Variants in OLA1 observed in about 807,000 individuals in gnomAD.
OLA1 encodes the protein obg-like ATPase 1.
A neutral mutation model predicts 48.4 loss-of-function variants in OLA1; 14 were observed. That is an observed-to-expected ratio of 0.29 (90% confidence interval 0.19 to 0.45). OLA1 has a LOEUF of 0.45. OLA1 is among the 20% of genes least tolerant of loss of function. OLA1 has a pLI of 1.00. For synonymous variants in OLA1, 127 were observed against 150.4 expected (o/e 0.84, Z 1.14); for missense variants, 325 against 467.1 (o/e 0.70, Z 2.80).
chr2:174,239,474 A>G (rs1688943615), intron 2 of OLA1, among the ~76,000 whole-genome samples: 1 of 152,186 alleles, frequency 6.6e-6, no homozygotes, highest in Non-Finnish European at 1.5e-5. Context: ...ACAAACCCCA[A>G]ATGAGAGCTG....
chr2:174,182,967 T>G (rs1328445558), intron 4 of OLA1, among the ~76,000 whole-genome samples: 1 of 152,210 alleles, frequency 6.6e-6, no homozygotes, highest in Non-Finnish European at 1.5e-5. Context: ...TTTAGTTCAC[T>G]GAAAAGTAGG....
chr2:174,196,141 A>G (rs1687874783), intron 4 of OLA1, among the ~76,000 whole-genome samples: 1 of 152,158 alleles, frequency 6.6e-6, no homozygotes, highest in African/African-American at 2.4e-5. Context: ...ATTTATTCCA[A>G]TATCAATCTT....
intron 5 of OLA1, among the ~76,000 whole-genome samples, chr2:174,133,290 G>A (rs1044332552): frequency 5.9e-5 from 9 of 152,110 alleles, no homozygotes; most frequent in African/African-American, 2.2e-4. Flanking sequence ...GACCTATGAT[G>A]GTTTAGCTTA....
chr2:174,094,732 C>T (rs968621298), intron 7 of OLA1, among the ~76,000 whole-genome samples: 1 of 152,208 alleles, frequency 6.6e-6, no homozygotes, highest in Non-Finnish European at 1.5e-5. Context: ...AGTGCTAACT[C>T]TATTTACATT....
chr2:174,230,947 C>A (rs1279579650), intron 2 of OLA1, among the ~76,000 whole-genome samples: 4 of 152,198 alleles, frequency 2.6e-5, no homozygotes, highest in African/African-American at 9.6e-5. Context: ...ACCCTGGGGA[C>A]CTGTGCCCAT....
chr2:174,237,302 A>G (rs923711861), intron 2 of OLA1, among the ~76,000 whole-genome samples: 1 of 152,022 alleles, frequency 6.6e-6, no homozygotes, highest in African/African-American at 2.4e-5. Context: ...TCCCACAGGA[A>G]GGTTTTCAGG....
chr2:174,190,870 G>A (rs376889405), intron 4 of OLA1, among the ~76,000 whole-genome samples: 32 of 148,942 alleles, frequency 2.1e-4, no homozygotes, highest in East Asian at 1.8e-3. Flanking sequence ...GCTTGAACCC[G>A]GGAGGCAGAG....
At chr2:174,240,997 G>A (rs1305475429) in intron 2 of OLA1, among the ~76,000 whole-genome samples, 1 of 152,196 alleles carries the variant, frequency 6.6e-6, no homozygotes, top group African/African-American at 2.4e-5. Flanking sequence ...CTGGGCTGGT[G>A]TCATGACTTG....
intron 7 of OLA1, among the ~76,000 whole-genome samples, chr2:174,097,185 A>T (rs1685277052): frequency 6.6e-6 from 1 of 152,128 alleles, no homozygotes; most frequent in African/African-American, 2.4e-5. Context: ...TAAAAAATAA[A>T]AATCAGGTCT....
intron 4 of OLA1, among the ~76,000 whole-genome samples, chr2:174,189,297 T>G (rs1220613470): frequency 1.3e-5 from 2 of 152,112 alleles, no homozygotes; most frequent in East Asian, 3.8e-4. Flanking sequence ...ACCTTTCTGA[T>G]AACTCAGTTC....
intron 10 of OLA1, among the ~76,000 whole-genome samples, chr2:174,077,829 A>G (rs1261852747): frequency 6.6e-6 from 1 of 152,014 alleles, no homozygotes; most frequent in Non-Finnish European, 1.5e-5. Context: ...TGAAAAATAG[A>G]TATGCCAACA....
intron 7 of OLA1, among the ~76,000 whole-genome samples, chr2:174,117,891 A>G (rs1343178439): frequency 6.6e-6 from 1 of 152,126 alleles, no homozygotes; most frequent in Non-Finnish European, 1.5e-5. Flanking sequence ...TTCACCAACT[A>G]CTAAACTCCT....
At chr2:174,216,173 C>T (rs1317633721) in intron 4 of OLA1, among the ~76,000 whole-genome samples, 1 of 151,926 alleles carries the variant, frequency 6.6e-6, no homozygotes, top group African/African-American at 2.4e-5. Flanking sequence ...TATTGTGGTG[C>T]ACACCTGTAG....
chr2:174,080,160 G>C (rs540957513), intron 9 of OLA1, among the ~76,000 whole-genome samples: 1 of 151,902 alleles, frequency 6.6e-6, no homozygotes, highest in Non-Finnish European at 1.5e-5. Flanking sequence ...AAAGGGGAGA[G>C]GAGATAAAAG....
chr2:174,170,288 G>A (rs959187323), intron 4 of OLA1, among the ~76,000 whole-genome samples: 1 of 151,988 alleles, frequency 6.6e-6, no homozygotes, highest in African/African-American at 2.4e-5. Context: ...AAAATAAAGG[G>A]CACCTGTAAA....
chr2:174,099,259 G>A (rs755745163), intron 7 of OLA1, among the ~76,000 whole-genome samples: 16 of 151,856 alleles, frequency 1.1e-4, no homozygotes, highest in Admixed American at 4.6e-4. Flanking sequence ...GGGTTCAAGC[G>A]ATTCCCCTGC....
chr2:174,137,463 TAAC>T (rs1384985739), intron 5 of OLA1, among the ~76,000 whole-genome samples: 11 of 152,344 alleles, frequency 7.2e-5, no homozygotes, highest in African/African-American at 2.6e-4. Context: ...CATTAGCCCT[TAAC>T]AAGGGAGTCA....
At chr2:174,158,134 G>C (rs1686928998) in intron 4 of OLA1, among the ~76,000 whole-genome samples, 1 of 152,140 alleles carries the variant, frequency 6.6e-6, no homozygotes, top group African/African-American at 2.4e-5. Context: ...TAACGTCCTA[G>C]TCAGTCTACA....
intron 7 of OLA1, among the ~76,000 whole-genome samples, chr2:174,091,992 A>T (rs1313258705): frequency 6.7e-6 from 1 of 148,218 alleles, no homozygotes; most frequent in Non-Finnish European, 1.5e-5. Flanking sequence ...TTATGTACTT[A>T]ATGTTAACTG....
Sources: gnomAD v4.1 joint callset for allele counts (sites outside exome capture counted in the v4.1 genomes callset) on GRCh38, gnomAD v4.1.1 for gene constraint, MANE v1.5 for transcripts, NCBI Gene and HGNC (gene_info 2026-07-23, HGNC 2026-07-21) for gene names.